The following DOCK9 variants were observed in gnomAD, a reference collection of about 807,000 sequenced individuals.
DOCK9 encodes dedicator of cytokinesis 9, also known as dedicator of cytokinesis protein 9.
In DOCK9, 89 loss-of-function variants were observed where a neutral mutation model predicts 263.3. The ratio of observed to expected loss-of-function variants is 0.34; its 90% CI spans 0.28 to 0.40. The LOEUF is 0.40. DOCK9 is among the 10% of genes least tolerant of loss of function. The pLI is 1.00. For missense variants in DOCK9, 2,140 were observed against 2,603.4 expected (o/e 0.82, Z 3.87); for synonymous variants, 976 against 973.1 (o/e 1.00, Z -0.06).
At chr13:99,087,478 C>T (rs1437066255), upstream of DOCK9, among the ~76,000 whole-genome samples, 1 of 152,100 alleles carries the variant, frequency 6.6e-6, no homozygotes, top group Non-Finnish European at 1.5e-5. Context: ...AGGCGGGGTA[C>T]CAGGGAAACT....
intron 3 of DOCK9, among the ~76,000 whole-genome samples, chr13:98,927,627 T>TG (rs2053198984): frequency 1.2e-5 from 1 of 80,824 alleles, no homozygotes; most frequent in African/African-American, 3.9e-5. Flanking sequence ...ATTTATTTAT[T>TG]TATTTTTTTT....
intron 1 of DOCK9, among the ~76,000 whole-genome samples, chr13:99,038,459 C>A (rs916408880): frequency 6.6e-6 from 1 of 151,752 alleles, no homozygotes; most frequent in African/African-American, 2.4e-5. Context: ...CACCCACCAC[C>A]ACGCCCGGCT....
chr13:98,896,852 T>C (rs2047515810), intron 15 of DOCK9, among the ~76,000 whole-genome samples: 1 of 152,198 alleles, frequency 6.6e-6, no homozygotes, highest in South Asian at 2.1e-4. Context: ...CCTTTGTACC[T>C]ATAAATGTGA....
At chr13:99,072,303 A>G (rs775000560) in intron 1 of DOCK9, among the ~76,000 whole-genome samples, 6 of 152,128 alleles carry the variant, frequency 3.9e-5, no homozygotes, top group Non-Finnish European at 8.8e-5. Flanking sequence ...TGAGCCTTAA[A>G]GGTCCTTATG....
intron 7 of DOCK9, among the ~76,000 whole-genome samples, chr13:98,918,472 C>T (rs17783627): frequency 0.13 from 19,675 of 151,726 alleles, 1,394 homozygotes; most frequent in South Asian, 0.25. Context: ...TATAACTTAA[C>T]AAAAAAGCTT....
chr13:99,028,221 C>G (rs1886976319), intron 1 of DOCK9, among the ~76,000 whole-genome samples: 1 of 152,276 alleles, frequency 6.6e-6, no homozygotes, highest in East Asian at 1.9e-4. Context: ...GCTCCTCAAG[C>G]CACTTAGCCA....
chr13:98,841,660 C>T (rs1220461546), intron 38 of DOCK9, among the ~76,000 whole-genome samples: 6 of 136,054 alleles, frequency 4.4e-5, no homozygotes, highest in African/African-American at 1.6e-4. Flanking sequence ...CTCGCTTTGT[C>T]ACCCAGGCTG....
Position 98,853,596 on chromosome 13 carries a change from G to A in DOCK9, c.3832-74C>T, listed in dbSNP as rs573796103. On this transcript the variant is annotated intron_variant, in intron 34 of 52. Transcript: ENST00000682017. ...CGTGTTTCCCTTTTCTCCCTTGGAA[G>A]AGAAAGACTCTTAGAATCAAGTCAG... 3.7e-4 allele frequency: 392 copies of A among 1,073,886 alleles called. 3 individuals are homozygous for A. The South Asian group carries it at 4.7e-3, about 13-fold the overall frequency. The allele number at this position is 1,073,886 out of a possible 1,614,324, so 66.5% of individuals were successfully genotyped here.
chr13:98,831,365 C>A lies in DOCK9; in HGVS notation c.4618G>T (p.Val1540Phe). Residue 1540 changes from valine to phenylalanine, a missense_variant, in exon 41 of 53, where the codon GTC becomes TTC. Val to Phe is a conservative substitution (Grantham distance 50, BLOSUM62 -1). Transcript: ENST00000682017. The part of the protein sequence containing the change: ...NFDYTGKKSF[V>F]RTHLQVIISV... Reference sequence around the variant, plus strand: ...ACACGCACTTGCAAATGTGTCCGGACAAAGGACTTCTTTCCAGTGTAATCA... The same window carrying A: ...ACACGCACTTGCAAATGTGTCCGGAAAAAGGACTTCTTTCCAGTGTAATCA... 6.2e-7 allele frequency: 1 copy of A among 1,604,552 alleles called. No individual in the cohort carries two copies. Among genetic ancestry groups the A allele is most frequent in the Non-Finnish European group, 8.5e-7 (1 of 1,175,206 alleles).
chr13:99,008,234 A>T (rs1026764719), intron 1 of DOCK9, among the ~76,000 whole-genome samples: 7,367 of 93,730 alleles, frequency 0.079, 358 homozygotes, highest in South Asian at 0.13. Context: ...ATATATATAT[A>T]TTTTTTTTTT....
intron 1 of DOCK9, among the ~76,000 whole-genome samples, chr13:99,036,364 G>GCA (rs1887878329): frequency 6.6e-6 from 1 of 152,094 alleles, no homozygotes; most frequent in African/African-American, 2.4e-5. Context: ...GAAGAGGCCA[G>GCA]AGAGCTTGCT....
intron 10 of DOCK9, among the ~76,000 whole-genome samples, chr13:98,903,732 C>T (rs2048682846): frequency 6.6e-6 from 1 of 151,674 alleles, no homozygotes; most frequent in Non-Finnish European, 1.5e-5. Context: ...AAGTATCCAA[C>T]CAAGTGTCCA....
chr13:98,887,143 A>ATATATATTTT (rs1470080750), intron 18 of DOCK9, among the ~76,000 whole-genome samples: 1 of 95,292 alleles, frequency 1.0e-5, no homozygotes, highest in African/African-American at 4.3e-5. Flanking sequence ...ATATATATAT[A>ATATATATTTT]TTTTTTTTTT....
At chr13:98,861,751 C>T (rs994287696) in intron 32 of DOCK9, among the ~76,000 whole-genome samples, 1 of 152,150 alleles carries the variant, frequency 6.6e-6, no homozygotes, top group African/African-American at 2.4e-5. Context: ...TAATCAAAAA[C>T]TTTTGAGATA....
At chr13:99,056,448 ATAAG>A (rs1261397395) in intron 1 of DOCK9, among the ~76,000 whole-genome samples, 2 of 152,256 alleles carry the variant, frequency 1.3e-5, no homozygotes, top group African/African-American at 4.8e-5. Context: ...TTTAAAAAAG[ATAAG>A]TAATATTAGT....
intron 2 of DOCK9, among the ~76,000 whole-genome samples, chr13:98,935,585 A>G (rs1217700925): frequency 6.6e-6 from 1 of 152,176 alleles, no homozygotes; most frequent in Non-Finnish European, 1.5e-5. Context: ...CCTAGCCAAC[A>G]TGGTGAAACC....
intron 9 of DOCK9, among the ~76,000 whole-genome samples, chr13:98,912,318 C>G (rs1195709641): frequency 6.6e-6 from 1 of 152,220 alleles, no homozygotes; most frequent in Non-Finnish European, 1.5e-5. Flanking sequence ...GTCTCAGGTA[C>G]AAGCTAGCCT....
chr13:99,074,901 G>C (rs1439402672), intron 1 of DOCK9, among the ~76,000 whole-genome samples: 1 of 152,124 alleles, frequency 6.6e-6, no homozygotes, highest in African/African-American at 2.4e-5. Context: ...GGTGTCACAC[G>C]GTGTTTTAAG....
intron 27 of DOCK9, among the ~76,000 whole-genome samples, chr13:98,877,910 A>G (rs2142492996): frequency 6.6e-6 from 1 of 152,320 alleles, no homozygotes; most frequent in South Asian, 2.1e-4. Context: ...AGAGCCAAAA[A>G]TAATAAAAAA....
Sources: gnomAD v4.1 joint callset for allele counts (sites outside exome capture counted in the v4.1 genomes callset) on GRCh38, gnomAD v4.1.1 for gene constraint, MANE v1.5 for transcripts, NCBI Gene and HGNC (gene_info 2026-07-23, HGNC 2026-07-21) for gene names.